Variants in MYCBP2 observed in about 807,000 individuals in gnomAD.
MYCBP2 encodes E3 ubiquitin-protein ligase MYCBP2.
In MYCBP2, 120 loss-of-function variants were observed where a neutral mutation model predicts 525.3. The observed-to-expected ratio is 0.23, with a 90% CI of 0.20 to 0.27. MYCBP2 has a LOEUF of 0.27. Ranked by LOEUF, MYCBP2 falls within the 10% of genes least tolerant of loss-of-function variation. The pLI is 1.00. For missense variants in MYCBP2, 4,149 were observed against 5,657.1 expected (o/e 0.73, Z 8.55); for synonymous variants, 1,894 against 1,955.8 (o/e 0.97, Z 0.83).
chr13:77,192,476 T>G (rs1470483424), intron 27 of MYCBP2, among the ~76,000 whole-genome samples: 1 of 152,184 alleles, frequency 6.6e-6, no homozygotes, highest in Non-Finnish European at 1.5e-5. Context: ...ATAAACAAGT[T>G]ACAAAGTACT....
chr13:77,323,287 C>T (rs1030998847), intron 1 of MYCBP2, among the ~76,000 whole-genome samples: 2 of 152,248 alleles, frequency 1.3e-5, no homozygotes, highest in African/African-American at 4.8e-5. Flanking sequence ...ATCAAAGTCA[C>T]TGAGTCCATT....
chr13:77,134,401 GT>G (rs1165267363), intron 52 of MYCBP2, among the ~76,000 whole-genome samples: 3 of 152,026 alleles, frequency 2.0e-5, no homozygotes, highest in African/African-American at 7.3e-5. Flanking sequence ...GGGTGTGGTG[GT>G]GTATGCCTGT....
intron 65 of MYCBP2, among the ~76,000 whole-genome samples, chr13:77,079,471 C>T (rs900185572): frequency 2.6e-5 from 4 of 152,218 alleles, no homozygotes; most frequent in African/African-American, 4.8e-5. Context: ...ATAAGTTTTA[C>T]GCAAAGCACA....
chr13:77,180,457 T>C (rs901425149), intron 33 of MYCBP2, 139 bp from the exon 34 acceptor site: 3 of 691,598 alleles, frequency 4.3e-6, no homozygotes, highest in Admixed American at 6.0e-5. Flanking sequence ...TTTCTGGTTA[T>C]ATGTGGAGCC....
At chr13:77,190,003 T>C (rs1056218229) in intron 29 of MYCBP2, among the ~76,000 whole-genome samples, 3 of 152,146 alleles carry the variant, frequency 2.0e-5, no homozygotes, top group Admixed American at 1.3e-4. Flanking sequence ...CAGTAAAATA[T>C]TGTTATTGGT....
At chr13:77,146,037 C>T (rs764961738) in intron 48 of MYCBP2, 125 bp downstream of exon 48, 11 of 574,574 alleles carry the variant, frequency 1.9e-5, no homozygotes, top group South Asian at 3.4e-5. Context: ...ACATCTCTAT[C>T]GGCAACCTAG....
At chr13:77,212,881 C>T (rs2064219249) in intron 21 of MYCBP2, among the ~76,000 whole-genome samples, 1 of 152,126 alleles carries the variant, frequency 6.6e-6, no homozygotes, top group African/African-American at 2.4e-5. Context: ...GACATTGACT[C>T]AATAGATATT....
rs1398420284 is a variant in MYCBP2, at chr13:77,064,614, CT to C, written c.12672del (p.Arg4224SerfsTer17). 6.2e-7 allele frequency: 1 copy of C among 1,606,448 alleles called. No homozygotes were observed. Among genetic ancestry groups the C allele is most frequent in the Non-Finnish European group, 8.5e-7 (1 of 1,175,854 alleles). On this transcript the variant is annotated frameshift_variant and splice_region_variant, in exon 73 of 83. Transcript: ENST00000544440. LOFTEE classifies it high-confidence loss of function. ...RSPVRCIATT[R>X]LWLALASLCV... ...ACAAAACAAAACAAAGCAAAACCTA[CT>C]CTAGTTGTTGCAATACATCTCACTG... is the stretch of plus-strand genomic sequence containing the variant.
chr13:77,185,049 G>A, intron 32 of MYCBP2, 54 bp downstream of exon 32: 4 of 1,463,560 alleles, frequency 2.7e-6, no homozygotes, highest in East Asian at 2.3e-5. Context: ...TTTTCTTGAA[G>A]AGTATTAAGC....
At chr13:77,312,119 A>T (rs2080321259) in intron 1 of MYCBP2, among the ~76,000 whole-genome samples, 1 of 152,150 alleles carries the variant, frequency 6.6e-6, no homozygotes, top group Non-Finnish European at 1.5e-5. Flanking sequence ...GGAAGCAAGC[A>T]TCTACTCGGA....
intron 46 of MYCBP2, 49 bp downstream of exon 46, chr13:77,156,009 A>C (rs370179285): frequency 6.6e-5 from 102 of 1,545,988 alleles, no homozygotes; most frequent in Admixed American, 1.1e-4. Flanking sequence ...TTTATCAGTC[A>C]TTGCAGCCAG....
At chr13:77,184,966 T>C (rs973035007) in intron 32 of MYCBP2, 137 bp downstream of exon 32, 1 of 850,388 alleles carries the variant, frequency 1.2e-6, no homozygotes, top group African/African-American at 1.7e-5. Flanking sequence ...TTTGCTTATA[T>C]AAGTCATGTA....
intron 3 of MYCBP2, among the ~76,000 whole-genome samples, chr13:77,282,543 T>A (rs1202182798): frequency 6.6e-6 from 1 of 152,194 alleles, no homozygotes; most frequent in Non-Finnish European, 1.5e-5. Flanking sequence ...TTCAAAACTT[T>A]TCAACTTTTC....
chr13:77,268,550 C>T (rs1281484181), intron 7 of MYCBP2, among the ~76,000 whole-genome samples: 1 of 152,126 alleles, frequency 6.6e-6, no homozygotes, highest in Non-Finnish European at 1.5e-5. Context: ...GAGGCTGAGG[C>T]AGGTGGATCA....
At chr13:77,061,940 T>G (rs923126083) in intron 74 of MYCBP2, 150 bp from the exon 75 acceptor site, 2 of 816,884 alleles carry the variant, frequency 2.4e-6, no homozygotes, top group African/African-American at 3.5e-5. Context: ...TTATTGCAAA[T>G]GTACTTAACT....
chr13:77,109,277 A>G lies in MYCBP2; in HGVS notation c.8141-10264T>C, dbSNP rs1382256614. ...AGATGGAACTGCTCCACCTCAGATC[A>G]TCAGGCATTAGATTCTCATGAGGAG... On this transcript the variant is annotated intron_variant, in intron 55 of 82. Transcript: ENST00000544440. Among the ~76,000 whole-genome samples, 3 of 152,180 alleles carry G rather than the reference A, an allele frequency of 2.0e-5. No individual in the cohort carries two copies. The South Asian group carries it at 6.2e-4, about 32-fold the overall frequency.
At position 77,274,827 on chromosome 13, in the gene MYCBP2, CA is replaced by C. The variant is rs546771527; in HGVS notation, c.749-1160del. Among the ~76,000 whole-genome samples the C allele has an allele frequency of 1.5e-3, 221 of 152,268 alleles. 1 individual carries two copies. The highest frequency in any genetic ancestry group is 5.0e-3 in the African/African-American group (206 of 41,552). On this transcript the variant is annotated intron_variant, in intron 4 of 82. Transcript: ENST00000544440. ...TCTGATTGTCTACTTAAAATTCTTT[CA>C]CTCCTTTGTTAATTTCTTCCTCCCT...
At position 77,251,072 on chromosome 13, in the gene MYCBP2, T is replaced by C. The variant is rs2071125901; in HGVS notation, c.2381+79A>G. The C allele has an allele frequency of 1.5e-5, 19 of 1,301,422 alleles. 1 individual carries two copies. In the South Asian group the frequency reaches 1.9e-4, roughly 13 times the overall value. 80.6% of individuals were successfully genotyped at this position (1,301,422 alleles called of 1,614,324 possible). A position where few individuals can be genotyped will look rare whatever the true frequency, so the allele number is the denominator to read the frequency against. ...CTGGTCTTTAAGAAAAAAATATTAA[T>C]AGTAGAGTATACTCCGGAATGATTT... On this transcript the variant is annotated intron_variant, in intron 15 of 82. Coordinates refer to ENST00000544440, the MANE Select transcript of MYCBP2 (RefSeq NM_015057.5).
At chr13:77,063,191 C>G (rs1168200789) in intron 73 of MYCBP2, among the ~76,000 whole-genome samples, 1 of 151,954 alleles carries the variant, frequency 6.6e-6, no homozygotes, top group Non-Finnish European at 1.5e-5. Flanking sequence ...CCTTGTTGCC[C>G]CAGAAAGCCT....
Sources: allele counts gnomAD v4.1 joint callset (sites outside exome capture counted in the v4.1 genomes callset), GRCh38; gene constraint gnomAD v4.1.1; transcripts MANE v1.5; gene names NCBI Gene and HGNC (gene_info 2026-07-23, HGNC 2026-07-21).